CSTF3: variants seen among roughly 807,000 people sequenced by gnomAD.
The protein encoded by CSTF3 is cleavage stimulation factor subunit 3.
A neutral mutation model predicts 105.8 loss-of-function variants in CSTF3; 29 were observed. The ratio of observed to expected loss-of-function variants is 0.27; its 90% CI spans 0.20 to 0.37. The LOEUF (loss-of-function observed/expected upper bound fraction) is 0.37. Among genes scored for constraint, CSTF3 ranks in the 10% least tolerant of loss-of-function variants. The pLI is 1.00. For missense variants in CSTF3, 357 were observed against 879.3 expected (o/e 0.41, Z 7.51); for synonymous variants, 252 against 281.9 (o/e 0.89, Z 1.06).
chr11:33,161,176 A>T, intron 1 of CSTF3, 123 bp downstream of exon 1: 1 of 1,019,046 alleles, frequency 9.8e-7, no homozygotes, highest in Non-Finnish European at 1.5e-6. Context: ...CCACTCTTCT[A>T]TATACCCTGT....
intron 13 of CSTF3, among the ~76,000 whole-genome samples, chr11:33,097,371 T>C (rs1003817837): frequency 3.9e-5 from 6 of 152,196 alleles, no homozygotes; most frequent in South Asian, 2.1e-4. Context: ...CGTCTTACAA[T>C]ACATGTTTTT....
At chr11:33,129,048 G>C (rs1855572234) in intron 3 of CSTF3, among the ~76,000 whole-genome samples, 2 of 152,184 alleles carry the variant, frequency 1.3e-5, no homozygotes, top group African/African-American at 4.8e-5. Context: ...AGCAATTTAG[G>C]AAGATAATGT....
intron 18 of CSTF3, 141 bp from the exon 19 acceptor site, chr11:33,086,130 A>AC (rs1390446470): frequency 2.2e-6 from 1 of 455,224 alleles, no homozygotes; most frequent in East Asian, 3.5e-5. Flanking sequence ...GCTTTACCAA[A>AC]CCAAAGTGGG....
chr11:33,106,527 G>C (rs1308390299), intron 5 of CSTF3, among the ~76,000 whole-genome samples: 1 of 152,142 alleles, frequency 6.6e-6, no homozygotes, highest in African/African-American at 2.4e-5. Context: ...CCAGGAGTCG[G>C]AGACAAGCCT....
At chr11:33,086,839 A>G in intron 18 of CSTF3, 149 bp downstream of exon 18, 1 of 930,896 alleles carries the variant, frequency 1.1e-6, no homozygotes, top group Non-Finnish European at 1.7e-6. Context: ...AATCTAGTTC[A>G]AAGATTAAAG....
chr11:33,109,593 G>A (rs956205121), intron 3 of CSTF3, among the ~76,000 whole-genome samples: 1 of 151,998 alleles, frequency 6.6e-6, no homozygotes, highest in African/African-American at 2.4e-5. Flanking sequence ...TGATTAAGGG[G>A]GATAATAATA....
In CSTF3 at chr11:33,099,298, C is replaced by A; in HGVS notation, c.937-148G>T. Reference sequence around the variant, plus strand: ...ACACATATATATGTATCCACACACACACATACATAAACACATATGCATTTC... The same window carrying A: ...ACACATATATATGTATCCACACACAAACATACATAAACACATATGCATTTC... On this transcript the variant is annotated intron_variant, in intron 11 of 20. Coordinates refer to ENST00000323959, the MANE Select transcript of CSTF3 (RefSeq NM_001326.3). This position sits in a 1 kb window ranked among gnomAD's most constrained non-coding sequence, Gnocchi z 4.1. 9.7e-7 allele frequency: 1 copy of A among 1,033,856 alleles called. No individual in the cohort carries two copies. The highest frequency in any genetic ancestry group is 1.4e-6 in the Non-Finnish European group (1 of 731,044). The allele number at this position is 1,033,856 out of a possible 1,614,324, so 64.0% of individuals were successfully genotyped here.
In CSTF3 at chr11:33,126,182, A is replaced by G. The variant is rs114594946; in HGVS notation, c.225+15485T>C. The stretch of plus-strand genomic sequence containing the variant: ...AGCCAGATCTGGTAAAAATCTGGTC[A>G]GGCACAGTGGCTCATGCCTGTAATC... On this transcript the variant is annotated intron_variant, in intron 3 of 20. Coordinates refer to ENST00000323959, the MANE Select transcript of CSTF3 (RefSeq NM_001326.3). 2.4e-3 allele frequency among the ~76,000 whole-genome samples: 367 copies of G among 152,306 alleles called. 1 individual carries two copies. Among genetic ancestry groups the G allele is most frequent in the African/African-American group, 8.3e-3 (345 of 41,568 alleles).
chr11:33,148,921 G>A (rs1383521307), intron 1 of CSTF3, among the ~76,000 whole-genome samples: 1 of 149,730 alleles, frequency 6.7e-6, no homozygotes, highest in African/African-American at 2.5e-5. Context: ...AGAGATCCTG[G>A]GCTCCAGTGA....
At chr11:33,105,489 C>A in intron 8 of CSTF3, 78 bp downstream of exon 8, 1 of 1,334,222 alleles carries the variant, frequency 7.5e-7, no homozygotes, top group Non-Finnish European at 1.0e-6. Flanking sequence ...TACAGAAAGG[C>A]TATAATCTAC....
Position 33,161,412 on chromosome 11 carries a change from A to C in CSTF3, c.-87T>G. 1 of 1,456,986 alleles carries C rather than the reference A, an allele frequency of 6.9e-7. No homozygotes were observed. The highest frequency in any genetic ancestry group is 1.1e-5 in the South Asian group (1 of 87,880). 90.3% of individuals were successfully genotyped at this position (1,456,986 alleles called of 1,614,324 possible). On this transcript the variant is annotated 5_prime_UTR_variant, in exon 1 of 21. Transcript: ENST00000323959. ...AACTAAAAACCACCCCCAAATCAGTAAAGTTACCCCCTGCCCAGCTGAGCC... is the reference window on the plus strand; with the variant it reads ...AACTAAAAACCACCCCCAAATCAGTCAAGTTACCCCCTGCCCAGCTGAGCC...
chr11:33,101,975 C>T (rs559150227), intron 10 of CSTF3, among the ~76,000 whole-genome samples: 3 of 151,954 alleles, frequency 2.0e-5, no homozygotes, highest in East Asian at 1.9e-4. Flanking sequence ...TGAAATAAAG[C>T]GTTCACTGGA....
chr11:33,104,945 C>T (rs1855313293), intron 8 of CSTF3, among the ~76,000 whole-genome samples: 1 of 152,146 alleles, frequency 6.6e-6, no homozygotes, highest in Non-Finnish European at 1.5e-5. Context: ...GACGGGCTCT[C>T]ACCATCTTGC....
intron 20 of CSTF3, 50 bp downstream of exon 20, chr11:33,085,663 T>C: frequency 8.8e-6 from 13 of 1,470,772 alleles, no homozygotes; most frequent in Non-Finnish European, 1.2e-5. Flanking sequence ...CTACTGCCTA[T>C]GAGACAACAA....
intron 3 of CSTF3, among the ~76,000 whole-genome samples, chr11:33,140,653 T>C (rs938634061): frequency 1.3e-5 from 2 of 152,078 alleles, no homozygotes; most frequent in Non-Finnish European, 2.9e-5. Context: ...CAAAGCCCTT[T>C]GAATAGGTCC....
rs189040900 is a variant in CSTF3 at position 33,150,673 on chromosome 11, T to C, written c.28-8687A>G. Among the ~76,000 whole-genome samples, 464 of 152,068 alleles carry C rather than the reference T, an allele frequency of 3.1e-3. 4 individuals carry two copies. The highest frequency in any genetic ancestry group is 0.024 in the East Asian group (125 of 5,158). On this transcript the variant is annotated intron_variant, in intron 1 of 20. Transcript: ENST00000323959. ...GGAGTTGGAGACCAGCCTGGCAACATTGCGAAACCCCATCTCTACAAAAAA... is the reference window on the plus strand; with the variant it reads ...GGAGTTGGAGACCAGCCTGGCAACACTGCGAAACCCCATCTCTACAAAAAA...
chr11:33,104,234 A>C (rs978435596), intron 8 of CSTF3, among the ~76,000 whole-genome samples: 1 of 152,228 alleles, frequency 6.6e-6, no homozygotes, highest in Non-Finnish European at 1.5e-5. Flanking sequence ...CAAGGATTCT[A>C]AGACCCTTTC....
chr11:33,128,376 ATT>A lies in CSTF3; in HGVS notation c.225+13289_225+13290del, dbSNP rs550390198. 4.4e-4 allele frequency among the ~76,000 whole-genome samples: 67 copies of A among 152,220 alleles called. No homozygotes were observed. The South Asian group carries it at 0.013, about 31-fold the overall frequency. ...ATAAAGAAAAAGAAACCAAAAGAGA[ATT>A]TATAAATCAACATGTAATTTTTTTT... On this transcript the variant is annotated intron_variant, in intron 3 of 20. Transcript: ENST00000323959.
intron 3 of CSTF3, among the ~76,000 whole-genome samples, chr11:33,123,649 T>C (rs1409357176): frequency 2.6e-5 from 4 of 151,976 alleles, no homozygotes; most frequent in Non-Finnish European, 5.9e-5. Context: ...ACATAGAATA[T>C]TATGTACTTG....
Sources: gnomAD v4.1 joint callset for allele counts (sites outside exome capture counted in the v4.1 genomes callset) on GRCh38, gnomAD v4.1.1 for gene constraint, Gnocchi (gnomAD v3.1) non-coding constraint, MANE v1.5 for transcripts, NCBI Gene and HGNC (gene_info 2026-07-23, HGNC 2026-07-21) for gene names.